The following SOBP variants were observed in gnomAD, a reference collection of about 807,000 sequenced individuals.
SOBP encodes the protein sine oculis binding protein homolog, also known as sine oculis-binding protein homolog.
In SOBP, 4 loss-of-function variants were observed where a neutral mutation model predicts 53.6. That is an observed-to-expected ratio of 0.07 (90% CI 0.04 to 0.17). SOBP has a LOEUF of 0.17. SOBP is among the 10% of genes least tolerant of loss of function. The pLI, the probability that SOBP is intolerant of heterozygous loss-of-function variation, is 1.00. For missense variants in SOBP, 1,088 were observed against 1,204.7 expected, an observed-to-expected ratio of 0.90 and a Z score of 1.43; for synonymous variants, 584 against 522.6, an observed-to-expected ratio of 1.12 and a Z score of -1.60.
chr6:107,602,528 T>C (rs890449497), intron 5 of SOBP, among the ~76,000 whole-genome samples: 3 of 129,944 alleles, frequency 2.3e-5, no homozygotes, highest in Non-Finnish European at 3.1e-5. Flanking sequence ...CTGATCCCCA[T>C]GCAGGAGCGC....
chr6:107,541,757 C>A (rs1784152689), intron 4 of SOBP, among the ~76,000 whole-genome samples: 2 of 152,072 alleles, frequency 1.3e-5, no homozygotes, highest in South Asian at 4.2e-4. Flanking sequence ...ACATCTAAAT[C>A]TTTGTTATAA....
At chr6:107,517,174 C>G (rs996212890) in intron 3 of SOBP, among the ~76,000 whole-genome samples, 4 of 152,154 alleles carry the variant, frequency 2.6e-5, no homozygotes, top group African/African-American at 9.7e-5. Flanking sequence ...TAGGTATAAA[C>G]AATTATAACA....
At chr6:107,636,839 G>C (rs964195055) in intron 6 of SOBP, among the ~76,000 whole-genome samples, 1 of 152,090 alleles carries the variant, frequency 6.6e-6, no homozygotes, top group Non-Finnish European at 1.5e-5. Context: ...GTATTTATTT[G>C]GATCTGGGTC....
intron 4 of SOBP, among the ~76,000 whole-genome samples, chr6:107,551,700 T>C (rs1018607640): frequency 6.6e-6 from 1 of 152,230 alleles, no homozygotes; most frequent in Non-Finnish European, 1.5e-5. Context: ...TCCACTCTGA[T>C]ATTTTCTGTT....
chr6:107,646,273 T>G (rs901044590), intron 6 of SOBP, among the ~76,000 whole-genome samples: 1 of 152,244 alleles, frequency 6.6e-6, no homozygotes, highest in African/African-American at 2.4e-5. Flanking sequence ...GAACTTTCTT[T>G]GTGCTAAGTG....
rs1295758410 is a variant in SOBP at position 107,503,760 on chromosome 6, A to G, written c.200A>G (p.Asp67Gly). ...ATTGAATTCAGGAGCTACCCTACAG[A>G]TGGGGAGAGCCGGCAGCACATTTCT... The part of the protein sequence containing the change: ...EDIEFRSYPT[D>G]GESRQHISVL... The change falls in exon 2 of 7, where the codon GAT becomes GGT. Residue 67 changes from aspartate (D) to glycine (G), a missense_variant. Physicochemically the swap from Asp to Gly is moderately conservative, Grantham distance 94. Transcript: ENST00000317357. 1.9e-6 allele frequency: 3 copies of G among 1,614,056 alleles called. No homozygotes were observed. Among genetic ancestry groups the G allele is most frequent in the East Asian group, 2.2e-5 (1 of 44,884 alleles).
intron 1 of SOBP, among the ~76,000 whole-genome samples, chr6:107,491,764 A>G (rs1222013431): frequency 6.6e-6 from 1 of 152,100 alleles, no homozygotes. Context: ...GAAATCCTTA[A>G]TACTACCAGG....
At chr6:107,500,768 G>A (rs1347337437) in intron 1 of SOBP, among the ~76,000 whole-genome samples, 2 of 152,020 alleles carry the variant, frequency 1.3e-5, no homozygotes, top group Non-Finnish European at 2.9e-5. Context: ...CTTGTGATCT[G>A]CCCACCTTGG....
At chr6:107,505,033 A>G (rs1487491481) in intron 2 of SOBP, among the ~76,000 whole-genome samples, 8 of 152,222 alleles carry the variant, frequency 5.3e-5, no homozygotes, top group South Asian at 2.1e-4. Flanking sequence ...AGTGATTCAC[A>G]TGCAAGGATA....
rs1460333075 is a variant in SOBP at position 107,596,732 on chromosome 6, G to A, written c.669+9557G>A. ...AATTCATGGAGATACATAGGTAGAT[G>A]AGCAATAATCTCTTTCTCTGTCTCT... On this transcript the variant is annotated intron_variant, in intron 5 of 6. Transcript: ENST00000317357. Among the ~76,000 whole-genome samples the A allele has an allele frequency of 2.0e-5, 3 of 152,104 alleles. No individual in the cohort carries two copies. In the East Asian group the frequency reaches 5.8e-4, roughly 29 times the overall value.
intron 4 of SOBP, among the ~76,000 whole-genome samples, chr6:107,562,569 A>G (rs1784802251): frequency 6.6e-6 from 1 of 152,190 alleles, no homozygotes; most frequent in African/African-American, 2.4e-5. Context: ...CTTTAAATTC[A>G]TGACCAGAAT....
intron 6 of SOBP, among the ~76,000 whole-genome samples, chr6:107,643,218 G>A (rs1297264635): frequency 6.6e-6 from 1 of 152,146 alleles, no homozygotes; most frequent in Non-Finnish European, 1.5e-5. Context: ...TGCAGCTTGG[G>A]TGTTGTGGGA....
intron 6 of SOBP, among the ~76,000 whole-genome samples, chr6:107,641,014 C>T (rs1391490267): frequency 2.6e-5 from 4 of 152,220 alleles, no homozygotes; most frequent in Non-Finnish European, 4.4e-5. Flanking sequence ...TTTTATGTGC[C>T]TATGCACAGA....
intron 1 of SOBP, among the ~76,000 whole-genome samples, chr6:107,499,540 C>T (rs1782783824): frequency 6.6e-6 from 1 of 152,170 alleles, no homozygotes; most frequent in Non-Finnish European, 1.5e-5. Flanking sequence ...AAATGTAGTT[C>T]AGATGCCAAA....
chr6:107,642,370 A>C (rs926973004), intron 6 of SOBP, among the ~76,000 whole-genome samples: 4 of 152,258 alleles, frequency 2.6e-5, no homozygotes, highest in African/African-American at 9.6e-5. Context: ...AAATGACTGG[A>C]GCAAAAGAAA....
At chr6:107,540,168 C>T (rs536051597) in intron 4 of SOBP, among the ~76,000 whole-genome samples, 12 of 152,342 alleles carry the variant, frequency 7.9e-5, no homozygotes, top group Admixed American at 7.2e-4. Context: ...TTTTCTTGTA[C>T]ACCTTTGCAA....
intron 5 of SOBP, among the ~76,000 whole-genome samples, chr6:107,629,529 G>A (rs1425729666): frequency 1.3e-5 from 2 of 152,054 alleles, no homozygotes; most frequent in Non-Finnish European, 2.9e-5. Context: ...TGACTTTGAC[G>A]TTTATATAAA....
At chr6:107,518,292 G>T (rs890172181) in intron 3 of SOBP, among the ~76,000 whole-genome samples, 4 of 152,144 alleles carry the variant, frequency 2.6e-5, no homozygotes, top group Non-Finnish European at 1.5e-5. Flanking sequence ...CATAGTGAGA[G>T]ACCGGTAAAC....
At chr6:107,620,316 C>T (rs1203519805) in intron 5 of SOBP, among the ~76,000 whole-genome samples, 1 of 152,226 alleles carries the variant, frequency 6.6e-6, no homozygotes, top group African/African-American at 2.4e-5. Flanking sequence ...GTGGTTTCTG[C>T]ACATTGCCTC....
Sources: allele counts gnomAD v4.1 joint callset (sites outside exome capture counted in the v4.1 genomes callset), GRCh38; gene constraint gnomAD v4.1.1; transcripts MANE v1.5; gene names NCBI Gene and HGNC (gene_info 2026-07-23, HGNC 2026-07-21).